Variants in TP63 observed in about 807,000 individuals in gnomAD.
The protein encoded by TP63 is tumor protein p63, also known as tumor protein 63.
A neutral mutation model predicts 82.8 loss-of-function variants in TP63; 17 were observed. The observed-to-expected ratio is 0.21, with a 90% confidence interval of 0.14 to 0.31. The LOEUF (loss-of-function observed/expected upper bound fraction) is 0.31, where lower values mean the gene tolerates loss of function less well. Ranked by LOEUF, TP63 falls within the 10% of genes least tolerant of loss-of-function variation. The probability of loss-of-function intolerance (pLI) is 1.00; values close to 1 mark genes in which losing one functional copy is unlikely to be tolerated. For missense variants in TP63, 648 were observed against 895.3 expected, an observed-to-expected ratio of 0.72 and a Z score of 3.52; for synonymous variants, 330 against 321.7, an observed-to-expected ratio of 1.03 and a Z score of -0.28.
intron 3 of TP63, among the ~76,000 whole-genome samples, chr3:189,750,441 T>C (rs1425707026): frequency 1.3e-5 from 2 of 152,142 alleles, no homozygotes; most frequent in Non-Finnish European, 2.9e-5. Context: ...AACATTAGAT[T>C]ATATATTTTC....
chr3:189,663,137 G>A lies in TP63; in HGVS notation c.62+31560G>A, dbSNP rs533403049. ...CGGTCTTACTGATGTTTGTAGCTGG[G>A]GTATTAATTCTGTAGAGACCTTGAA... On this transcript the variant is annotated intron_variant, in intron 1 of 13. Coordinates refer to ENST00000264731, the MANE Select transcript of TP63 (RefSeq NM_003722.5). 9.6e-4 allele frequency among the ~76,000 whole-genome samples: 146 copies of A among 152,076 alleles called. 1 individual carries two copies. The highest frequency in any genetic ancestry group is 9.6e-4 in the Non-Finnish European group (65 of 67,962).
At chr3:189,622,562 A>C in the TP63 span, among the ~76,000 whole-genome samples, 1 of 152,210 alleles carries the variant, frequency 6.6e-6, no homozygotes, top group Non-Finnish European at 1.5e-5. Flanking sequence ...AAGCTGTATA[A>C]AAATTCTGGT....
At chr3:189,884,302 C>T (rs981917921) in intron 10 of TP63, among the ~76,000 whole-genome samples, 2 of 152,286 alleles carry the variant, frequency 1.3e-5, no homozygotes, top group East Asian at 3.9e-4. Flanking sequence ...TTCAGAAGTG[C>T]TTGGTAGTAG....
At chr3:189,776,814 C>T (rs961972195) in intron 3 of TP63, among the ~76,000 whole-genome samples, 1 of 152,166 alleles carries the variant, frequency 6.6e-6, no homozygotes, top group African/African-American at 2.4e-5. Flanking sequence ...GTGGACTTGG[C>T]ACACTTCTCT....
intron 1 of TP63, among the ~76,000 whole-genome samples, chr3:189,732,595 T>C (rs1011445089): frequency 2.3e-4 from 35 of 152,286 alleles, no homozygotes; most frequent in African/African-American, 7.9e-4. Context: ...GACAATTATG[T>C]TGCACATTTA....
At chr3:189,602,672 CTCT>C in the TP63 span, among the ~76,000 whole-genome samples, 2 of 152,120 alleles carry the variant, frequency 1.3e-5, no homozygotes, top group African/African-American at 4.8e-5. Context: ...ACTCTGAAGC[CTCT>C]TCTTTGGGCT....
At chr3:189,630,422 G>A (rs1293573061), upstream of TP63, among the ~76,000 whole-genome samples, 1 of 152,078 alleles carries the variant, frequency 6.6e-6, no homozygotes, top group East Asian at 1.9e-4. Context: ...ATTATTTTGT[G>A]TGTAGACTTT....
chr3:189,767,137 A>G (rs1254810800), intron 3 of TP63, among the ~76,000 whole-genome samples: 3 of 152,282 alleles, frequency 2.0e-5, no homozygotes, highest in Admixed American at 1.3e-4. Flanking sequence ...TTCTTCGTCT[A>G]TGGTGAAAAA....
chr3:189,792,740 G>A (rs1725286232), intron 3 of TP63, among the ~76,000 whole-genome samples: 1 of 152,018 alleles, frequency 6.6e-6, no homozygotes, highest in Non-Finnish European at 1.5e-5. Context: ...GAGATGGGAT[G>A]ATTCATAGTA....
At chr3:189,601,758 T>C in the TP63 span, among the ~76,000 whole-genome samples, 147,690 of 152,208 alleles carry the variant, frequency 0.97, 71,806 homozygotes, top group Middle Eastern at 1. Context: ...TCAGTAGCAT[T>C]CTACTGAATG....
In TP63 at chr3:189,886,256, T is replaced by G; in HGVS notation, c.1350-138T>G. ...ATTCTCAGATGGAAACAAAATTAAC[T>G]TCTTACCATTAATCCTAGAAGAATG... is the stretch of plus-strand genomic sequence containing the variant. On this transcript the variant is annotated intron_variant, in intron 10 of 13. Coordinates refer to ENST00000264731, the MANE Select transcript of TP63 (RefSeq NM_003722.5). 2.0e-6 allele frequency: 2 copies of G among 992,974 alleles called. 1 individual carries two copies. The highest frequency in any genetic ancestry group is 2.8e-5 in the South Asian group (2 of 70,388). The allele number at this position is 992,974 out of a possible 1,614,324, so 61.5% of individuals were successfully genotyped here.
intron 1 of TP63, among the ~76,000 whole-genome samples, chr3:189,639,894 C>T (rs930612409): frequency 1.3e-5 from 2 of 152,088 alleles, no homozygotes; most frequent in African/African-American, 4.8e-5. Context: ...TATATTATGC[C>T]TTAAGACTGT....
At chr3:189,785,621 C>T (rs1724544372) in intron 3 of TP63, among the ~76,000 whole-genome samples, 1 of 151,964 alleles carries the variant, frequency 6.6e-6, no homozygotes, top group Non-Finnish European at 1.5e-5. Flanking sequence ...CCGGAATGAA[C>T]AGAAGGACAA....
chr3:189,869,484 C>G (rs1297760975), intron 9 of TP63, 78 bp downstream of exon 9: 1 of 1,329,196 alleles, frequency 7.5e-7, no homozygotes, highest in Non-Finnish European at 1.1e-6. Flanking sequence ...ATCATCATCT[C>G]ATTATCTGTG....
chr3:189,654,103 G>A (rs1159651339), intron 1 of TP63, among the ~76,000 whole-genome samples: 3 of 152,132 alleles, frequency 2.0e-5, no homozygotes, highest in Non-Finnish European at 4.4e-5. Flanking sequence ...TGTGAGACAA[G>A]TTTGTACTTA....
chr3:189,861,767 A>T (rs1275950645), intron 4 of TP63, among the ~76,000 whole-genome samples: 1 of 152,232 alleles, frequency 6.6e-6, no homozygotes, highest in Non-Finnish European at 1.5e-5. Flanking sequence ...GGAAACTAGA[A>T]AAAGGTAAAC....
intron 3 of TP63, among the ~76,000 whole-genome samples, chr3:189,793,273 G>C (rs144839213): frequency 0.024 from 3,607 of 152,092 alleles, 86 homozygotes; most frequent in Admixed American, 0.085. Flanking sequence ...CCTCGATAAG[G>C]AAAACCGTGT....
In TP63 at chr3:189,733,794, C is replaced by G. The variant is rs377124243; in HGVS notation, c.63-3946C>G. ...AAATCTATCAACTTTTACTTCTTCT[C>G]TACTTACTATTTGGCAGTAAATAAA... On this transcript the variant is annotated intron_variant, in intron 1 of 13. Coordinates refer to ENST00000264731, the MANE Select transcript of TP63 (RefSeq NM_003722.5). Among the ~76,000 whole-genome samples, 45 of 152,270 alleles carry G rather than the reference C, an allele frequency of 3.0e-4. 1 individual carries two copies. In the South Asian group the frequency reaches 9.1e-3, roughly 31 times the overall value.
At chr3:189,884,418 G>A (rs1228876089) in intron 10 of TP63, among the ~76,000 whole-genome samples, 1 of 152,162 alleles carries the variant, frequency 6.6e-6, no homozygotes, top group African/African-American at 2.4e-5. Context: ...TAGGTGCCAG[G>A]AGACCTAGTT....
Sources: gnomAD v4.1 joint callset for allele counts (sites outside exome capture counted in the v4.1 genomes callset) on GRCh38, gnomAD v4.1.1 for gene constraint, MANE v1.5 for transcripts, NCBI Gene and HGNC (gene_info 2026-07-23, HGNC 2026-07-21) for gene names.